Variants in ARHGAP44 observed in about 807,000 individuals in gnomAD.
ARHGAP44 encodes the protein Rho GTPase activating protein 44, also known as rho GTPase-activating protein 44.
In ARHGAP44, 43 loss-of-function variants were observed where a neutral mutation model predicts 106.8. The observed-to-expected ratio is 0.40, with a 90% CI of 0.32 to 0.52. The LOEUF (loss-of-function observed/expected upper bound fraction) is 0.52. ARHGAP44 is among the 20% of genes least tolerant of loss of function. ARHGAP44 has a pLI of 0.48. For missense variants in ARHGAP44, 866 were observed against 1,050.5 expected (o/e 0.82, Z 2.43); for synonymous variants, 439 against 410.3 (o/e 1.07, Z -0.85).
At chr17:12,978,281 A>G (rs1331010475) in intron 18 of ARHGAP44, among the ~76,000 whole-genome samples, 1 of 152,192 alleles carries the variant, frequency 6.6e-6, no homozygotes, top group East Asian at 1.9e-4. Flanking sequence ...GTACCTGGTA[A>G]CCTGCAGCCT....
intron 18 of ARHGAP44, among the ~76,000 whole-genome samples, chr17:12,975,754 C>T (rs1286040390): frequency 4.8e-5 from 7 of 145,280 alleles, no homozygotes; most frequent in Non-Finnish European, 6.0e-5. Flanking sequence ...GCCCGGATCG[C>T]GCCACTGCAC....
At chr17:12,864,658 C>T (rs565063247) in intron 1 of ARHGAP44, among the ~76,000 whole-genome samples, 10 of 151,986 alleles carry the variant, frequency 6.6e-5, no homozygotes, top group Middle Eastern at 3.4e-3. Flanking sequence ...CTTAGTAACA[C>T]GAAGTTATGA....
At chr17:12,981,880 G>A (rs979511816) in intron 19 of ARHGAP44, among the ~76,000 whole-genome samples, 24 of 152,054 alleles carry the variant, frequency 1.6e-4, no homozygotes, top group Admixed American at 5.9e-4. Flanking sequence ...GCGTGGTGGT[G>A]GGCGTCTGTA....
intron 3 of ARHGAP44, among the ~76,000 whole-genome samples, chr17:12,904,531 C>G (rs1056447135): frequency 1.3e-5 from 2 of 152,238 alleles, no homozygotes; most frequent in Non-Finnish European, 2.9e-5. Context: ...GTGACAGTTA[C>G]ACCATTGGTA....
intron 1 of ARHGAP44, among the ~76,000 whole-genome samples, chr17:12,885,026 G>A (rs1337395536): frequency 6.6e-6 from 1 of 152,076 alleles, no homozygotes; most frequent in African/African-American, 2.4e-5. Flanking sequence ...TCAGCCTCCT[G>A]AGTAGCTGGG....
At chr17:12,916,372 A>G (rs948220155) in intron 5 of ARHGAP44, among the ~76,000 whole-genome samples, 1 of 150,450 alleles carries the variant, frequency 6.6e-6, no homozygotes, top group African/African-American at 2.4e-5. Flanking sequence ...CTGGGGGCCC[A>G]GGCCTCCTGC....
chr17:12,825,645 C>G (rs2034897807), intron 1 of ARHGAP44, among the ~76,000 whole-genome samples: 1 of 152,070 alleles, frequency 6.6e-6, no homozygotes. Flanking sequence ...GAGGCCCACC[C>G]ACATTATTGA....
At chr17:12,843,263 C>T (rs1052309636) in intron 1 of ARHGAP44, among the ~76,000 whole-genome samples, 4 of 152,280 alleles carry the variant, frequency 2.6e-5, no homozygotes, top group Non-Finnish European at 2.9e-5. Context: ...GTTTCTCCCC[C>T]CACCTCCCCA....
At chr17:12,989,782 C>T (rs913665438) in intron 20 of ARHGAP44, among the ~76,000 whole-genome samples, 1 of 152,172 alleles carries the variant, frequency 6.6e-6, no homozygotes, top group Non-Finnish European at 1.5e-5. Context: ...GAGTGCTGTT[C>T]TGGCCTTCCT....
At chr17:12,886,516 A>G (rs2036886174) in intron 1 of ARHGAP44, among the ~76,000 whole-genome samples, 1 of 152,110 alleles carries the variant, frequency 6.6e-6, no homozygotes, top group Non-Finnish European at 1.5e-5. Flanking sequence ...CTTTCTGCCT[A>G]TACATTCTGT....
chr17:12,885,643 T>TA (rs1330217118), intron 1 of ARHGAP44, among the ~76,000 whole-genome samples: 1 of 152,202 alleles, frequency 6.6e-6, no homozygotes, highest in Non-Finnish European at 1.5e-5. Context: ...TTTCTGTGCT[T>TA]ATTTTCTGCT....
intron 1 of ARHGAP44, among the ~76,000 whole-genome samples, chr17:12,817,848 T>C (rs1412420518): frequency 6.6e-6 from 1 of 152,014 alleles, no homozygotes; most frequent in Non-Finnish European, 1.5e-5. Flanking sequence ...AAAGTGGAGA[T>C]AATTGGAATA....
chr17:12,980,739 A>T (rs2039809973), intron 19 of ARHGAP44, among the ~76,000 whole-genome samples: 1 of 152,200 alleles, frequency 6.6e-6, no homozygotes, highest in African/African-American at 2.4e-5. Context: ...CTCTTCAGAT[A>T]ATCACTTCCA....
chr17:12,962,910 T>C (rs2039297409), intron 16 of ARHGAP44, among the ~76,000 whole-genome samples: 1 of 152,054 alleles, frequency 6.6e-6, no homozygotes, highest in Non-Finnish European at 1.5e-5. Context: ...CCAGGCATCG[T>C]GGCGCATGCC....
chr17:12,844,960 A>T lies in ARHGAP44; in HGVS notation c.54-49980A>T, dbSNP rs113999834. Among the ~76,000 whole-genome samples the T allele has an allele frequency of 5.4e-3, 815 of 152,278 alleles. 9 individuals carry two copies. The highest frequency in any genetic ancestry group is 0.019 in the African/African-American group (782 of 41,544). ...CCAAGAATCAAACAAAACTAAATTG[A>T]TGGCCACATTTGCCGAGAGTTAGGC... On this transcript the variant is annotated intron_variant, in intron 1 of 20. Coordinates refer to ENST00000379672, the MANE Select transcript of ARHGAP44 (RefSeq NM_014859.6).
intron 18 of ARHGAP44, among the ~76,000 whole-genome samples, chr17:12,978,608 C>T (rs1425265388): frequency 6.6e-6 from 1 of 152,114 alleles, no homozygotes. Context: ...TTGGAATTTT[C>T]TCCAAATTAA....
In ARHGAP44 at chr17:12,956,670, G is replaced by C; in HGVS notation, c.1266G>C (p.Met422Ile). 6.2e-7 allele frequency: 1 copy of C among 1,614,108 alleles called. No homozygotes were observed. Among genetic ancestry groups the C allele is most frequent in the Non-Finnish European group, 8.5e-7 (1 of 1,179,982 alleles). Residue 422 changes from methionine (M) to isoleucine (I), a missense_variant, in exon 15 of 21, where the codon ATG becomes ATC. Met to Ile is a conservative substitution (Grantham distance 10). Around this residue, in one of 2 missense-constraint regions of ARHGAP44, gnomAD observed 448 missense variants for 646.9 expected, o/e 0.69. Transcript: ENST00000379672. Reference sequence around the variant, plus strand: ...CTGCTTACAGGAACATTACAGAGATGATGACCACAGTGTCGCTGCAAATTG... The same window carrying C: ...CTGCTTACAGGAACATTACAGAGATCATGACCACAGTGTCGCTGCAAATTG... ...WPQAEGNITEMMTTVSLQIVG... is the reference protein window; with the variant it reads ...WPQAEGNITEIMTTVSLQIVG...
intron 13 of ARHGAP44, 101 bp from the exon 14 acceptor site, chr17:12,955,766 T>C (rs2039111280): frequency 1.5e-6 from 1 of 680,332 alleles, no homozygotes; most frequent in Non-Finnish European, 2.6e-6. Context: ...AGTCTCCTAG[T>C]CAGTGAGATA....
At chr17:12,851,443 A>G (rs2035736585) in intron 1 of ARHGAP44, among the ~76,000 whole-genome samples, 1 of 142,660 alleles carries the variant, frequency 7.0e-6, no homozygotes, top group Non-Finnish European at 1.5e-5. Context: ...TCCATGACAC[A>G]TGGGCCATTA....
Sources: allele counts gnomAD v4.1 joint callset (sites outside exome capture counted in the v4.1 genomes callset), GRCh38; gene constraint gnomAD v4.1.1; regional missense constraint gnomAD v4.1.1; transcripts MANE v1.5; gene names NCBI Gene and HGNC (gene_info 2026-07-23, HGNC 2026-07-21).